Variants in GPRC6A observed in about 807,000 individuals in gnomAD.
The protein encoded by GPRC6A is G protein-coupled receptor class C group 6 member A, also known as G protein-coupled receptor family C group 6 member A.
A neutral mutation model predicts 47.0 loss-of-function variants in GPRC6A; 54 were observed. The observed-to-expected ratio is 1.15, with a 90% CI of 0.92 to 1.44. The LOEUF is 1.44. Among genes scored for constraint, GPRC6A ranks in the 40% most tolerant of loss-of-function variants. The probability of loss-of-function intolerance (pLI) is 0.00; values close to 1 mark genes in which losing one functional copy is unlikely to be tolerated. For synonymous variants in GPRC6A, 347 were observed against 377.1 expected, an observed-to-expected ratio of 0.92 and a Z score of 0.93; for missense variants, 1,112 against 1,105.5, an observed-to-expected ratio of 1.01 and a Z score of -0.08.
Position 116,804,160 on chromosome 6 carries a change from G to A in GPRC6A, c.1335+2210C>T, listed in dbSNP as rs985723425. ...AGGAAAACAAACAAACAAAAAAACC[G>A]AAATCTCTAGTCACAGCAAGGAGGT... On this transcript the variant is annotated intron_variant, in intron 3 of 5. Coordinates refer to ENST00000310357, the MANE Select transcript of GPRC6A (RefSeq NM_148963.4). Among the ~76,000 whole-genome samples, 14 of 151,978 alleles carry A rather than the reference G, an allele frequency of 9.2e-5. 1 individual carries two copies. The highest frequency in any genetic ancestry group is 5.9e-4 in the Admixed American group (9 of 15,242).
intron 3 of GPRC6A, among the ~76,000 whole-genome samples, chr6:116,801,076 G>A (rs1772660935): frequency 6.6e-6 from 1 of 152,086 alleles, no homozygotes; most frequent in Non-Finnish European, 1.5e-5. Flanking sequence ...TTATCCTACA[G>A]AATTTTAGAA....
intron 1 of GPRC6A, among the ~76,000 whole-genome samples, chr6:116,815,863 T>G (rs1773188324): frequency 6.6e-6 from 1 of 152,146 alleles, no homozygotes; most frequent in Non-Finnish European, 1.5e-5. Context: ...CACATTGCTA[T>G]AAGAAAATAG....
chr6:116,815,962 A>T (rs1442853729), intron 1 of GPRC6A, among the ~76,000 whole-genome samples: 1 of 152,216 alleles, frequency 6.6e-6, no homozygotes, highest in African/African-American at 2.4e-5. Context: ...GCATCTGCTC[A>T]GTTTCTTGGG....
intron 2 of GPRC6A, among the ~76,000 whole-genome samples, chr6:116,808,449 A>G (rs17078389): frequency 0.087 from 13,288 of 152,156 alleles, 626 homozygotes; most frequent in Admixed American, 0.13. Flanking sequence ...TATTTGATAA[A>G]TAGTTCTTTT....
At chr6:116,823,455 A>T (rs911689360) in intron 1 of GPRC6A, among the ~76,000 whole-genome samples, 2 of 152,096 alleles carry the variant, frequency 1.3e-5, no homozygotes, top group Non-Finnish European at 2.9e-5. Context: ...TCCATTGTCC[A>T]TATATATCAC....
chr6:116,797,084 C>T (rs1166896160), intron 4 of GPRC6A, among the ~76,000 whole-genome samples: 2 of 150,602 alleles, frequency 1.3e-5, no homozygotes, highest in African/African-American at 4.9e-5. Flanking sequence ...CTTCCTGTGT[C>T]CATGTGTTCT....
At chr6:116,816,010 G>C (rs971431731) in intron 1 of GPRC6A, among the ~76,000 whole-genome samples, 6 of 152,300 alleles carry the variant, frequency 3.9e-5, no homozygotes, top group Admixed American at 3.9e-4. Flanking sequence ...GGAAGGCAAA[G>C]GGGGGCGTTA....
intron 5 of GPRC6A, among the ~76,000 whole-genome samples, chr6:116,794,434 A>T (rs929853025): frequency 6.6e-6 from 1 of 152,118 alleles, no homozygotes; most frequent in Admixed American, 6.6e-5. Flanking sequence ...GGAACAGCAG[A>T]TGGTATCCTT....
intron 3 of GPRC6A, among the ~76,000 whole-genome samples, chr6:116,801,585 C>T (rs1176875314): frequency 6.6e-6 from 1 of 152,028 alleles, no homozygotes; most frequent in Non-Finnish European, 1.5e-5. Flanking sequence ...TAGAATAAGG[C>T]AGAAATTATT....
At position 116,792,425 on chromosome 6, in the gene GPRC6A, T is replaced by C. The variant is rs751214810; in HGVS notation, c.2498A>G (p.Lys833Arg). Residue 833 changes from lysine to arginine, a missense_variant, in exon 6 of 6, where the codon AAA becomes AGA. By Grantham distance (26) the Lys-to-Arg change is conservative. Transcript: ENST00000310357. ...YGILYCTFIP[K>R]CYVIICKQEI... ...TTGCTTACAAATAATAACATAGCAT[T>C]TGGGGATGAATGTGCAATACAGGAT... 41 of 1,613,886 alleles carry C rather than the reference T, an allele frequency of 2.5e-5. No individual in the cohort carries two copies. The Admixed American group carries it at 6.7e-4, about 26-fold the overall frequency.
At chr6:116,811,191 A>T (rs988668022) in intron 1 of GPRC6A, among the ~76,000 whole-genome samples, 2 of 152,138 alleles carry the variant, frequency 1.3e-5, no homozygotes, top group Non-Finnish European at 2.9e-5. Flanking sequence ...GATGGCACTT[A>T]TGCCAGTCAT....
At chr6:116,822,768 A>C (rs1162385077) in intron 1 of GPRC6A, among the ~76,000 whole-genome samples, 1 of 150,358 alleles carries the variant, frequency 6.7e-6, no homozygotes, top group Non-Finnish European at 1.5e-5. Flanking sequence ...CTAGATGACG[A>C]GTTAGTGGGT....
intron 1 of GPRC6A, among the ~76,000 whole-genome samples, chr6:116,825,139 G>C (rs1212868720): frequency 6.6e-6 from 1 of 151,940 alleles, no homozygotes; most frequent in East Asian, 1.9e-4. Context: ...CATACCAACT[G>C]GGGAAAGTGG....
At chr6:116,793,780 A>G (rs990951819) in intron 5 of GPRC6A, among the ~76,000 whole-genome samples, 1 of 152,190 alleles carries the variant, frequency 6.6e-6, no homozygotes, top group African/African-American at 2.4e-5. Flanking sequence ...CACACAGACC[A>G]TTACACATAG....
At chr6:116,795,918 G>T (rs1297309994) in intron 4 of GPRC6A, 83 bp from the exon 5 acceptor site, 19 of 885,400 alleles carry the variant, frequency 2.1e-5, no homozygotes. Context: ...TTAACTTAAA[G>T]ATATATTTAC....
chr6:116,816,679 C>T (rs560152616), intron 1 of GPRC6A, among the ~76,000 whole-genome samples: 20 of 152,308 alleles, frequency 1.3e-4, no homozygotes, highest in South Asian at 6.2e-4. Context: ...AGTGGGTGCA[C>T]GCACCGTGCG....
At chr6:116,826,014 C>A (rs920732137) in intron 1 of GPRC6A, among the ~76,000 whole-genome samples, 48 of 151,842 alleles carry the variant, frequency 3.2e-4, no homozygotes, top group African/African-American at 1.1e-3. Flanking sequence ...AACTGGACTC[C>A]TTTCCCTCAC....
intron 4 of GPRC6A, among the ~76,000 whole-genome samples, chr6:116,796,389 A>C (rs1772490368): frequency 6.6e-6 from 1 of 152,214 alleles, no homozygotes; most frequent in Non-Finnish European, 1.5e-5. Context: ...TATACTATTT[A>C]AATAATCTTG....
intron 1 of GPRC6A, among the ~76,000 whole-genome samples, chr6:116,824,233 A>C (rs1044571779): frequency 2.0e-5 from 3 of 152,064 alleles, no homozygotes; most frequent in African/African-American, 7.2e-5. Flanking sequence ...GTAGAAGGAA[A>C]GAAATAATAA....
Sources: allele counts gnomAD v4.1 joint callset (sites outside exome capture counted in the v4.1 genomes callset), GRCh38; gene constraint gnomAD v4.1.1; transcripts MANE v1.5; gene names NCBI Gene and HGNC (gene_info 2026-07-23, HGNC 2026-07-21).